The following PDE4D variants were observed in gnomAD, a reference collection of about 807,000 sequenced individuals.
PDE4D encodes the protein 3',5'-cyclic-AMP phosphodiesterase 4D.
A neutral mutation model predicts 87.4 loss-of-function variants in PDE4D; 24 were observed. The ratio of observed to expected loss-of-function variants is 0.27; its 90% CI spans 0.20 to 0.39. The LOEUF is 0.39. Ranked by LOEUF, PDE4D falls within the 10% of genes least tolerant of loss-of-function variation. PDE4D has a pLI of 1.00. For synonymous variants in PDE4D, 384 were observed against 383.2 expected, an observed-to-expected ratio of 1.00 and a Z score of -0.02; for missense variants, 714 against 1,041.0, an observed-to-expected ratio of 0.69 and a Z score of 4.32.
At chr5:59,299,835 C>T (rs574258136) in intron 1 of PDE4D, among the ~76,000 whole-genome samples, 4 of 152,244 alleles carry the variant, frequency 2.6e-5, no homozygotes, top group East Asian at 1.9e-4. Flanking sequence ...CTCGCCCAGG[C>T]GCAGTGGCTC....
chr5:60,367,240 G>A (rs576267769), intron 1 of PDE4D, among the ~76,000 whole-genome samples: 1 of 152,158 alleles, frequency 6.6e-6, no homozygotes, highest in East Asian at 1.9e-4. Context: ...CCTGGAGTCA[G>A]GAGTTCGAGA....
intron 1 of PDE4D, among the ~76,000 whole-genome samples, chr5:60,411,283 G>A (rs1228375763): frequency 6.6e-6 from 1 of 152,168 alleles, no homozygotes; most frequent in Admixed American, 6.5e-5. Flanking sequence ...GTTACAACTG[G>A]TAGCTATAAC....
chr5:59,401,464 C>CTATCTATT lies in PDE4D; in HGVS notation c.456-185497_456-185496insAATAGATA, dbSNP rs1425787412. Among the ~76,000 whole-genome samples the CTATCTATT allele has an allele frequency of 1.2e-3, 165 of 142,470 alleles. 1 individual carries two copies. The highest frequency in any genetic ancestry group is 4.0e-3 in the African/African-American group (149 of 37,484). The allele number at this position is 142,470 out of a possible 152,430, so 93.5% of individuals were successfully genotyped here. A position where few individuals can be genotyped will look rare whatever the true frequency, so the allele number is the denominator to read the frequency against. On this transcript the variant is annotated intron_variant, in intron 1 of 14. Transcript: ENST00000340635. ...AGAGACTATCTATCTATCTATCTAT[C>CTATCTATT]TATCTATCTATCTATCTATCTATTT...
chr5:60,037,364 G>C (rs1372815512), intron 2 of PDE4D, among the ~76,000 whole-genome samples: 1 of 152,024 alleles, frequency 6.6e-6, no homozygotes, highest in South Asian at 2.1e-4. Context: ...ATTGGTACTA[G>C]ATCTTTACAA....
chr5:59,944,684 C>T (rs1390837138), intron 3 of PDE4D, among the ~76,000 whole-genome samples: 1 of 152,188 alleles, frequency 6.6e-6, no homozygotes, highest in Non-Finnish European at 1.5e-5. Context: ...TCTGGGCATG[C>T]TTTTAAACAA....
At chr5:60,047,869 T>C (rs1769499530) in intron 2 of PDE4D, among the ~76,000 whole-genome samples, 1 of 152,140 alleles carries the variant, frequency 6.6e-6, no homozygotes, top group South Asian at 2.1e-4. Context: ...GTTCTGTAGA[T>C]GTCTATTAGG....
intron 6 of PDE4D, among the ~76,000 whole-genome samples, chr5:59,021,686 A>G (rs1755174087): frequency 6.6e-6 from 1 of 152,144 alleles, no homozygotes; most frequent in South Asian, 2.1e-4. Context: ...TATTTATCCA[A>G]GGTTGCAACT....
At chr5:59,690,332 C>T (rs1750693630) in intron 1 of PDE4D, among the ~76,000 whole-genome samples, 1 of 152,124 alleles carries the variant, frequency 6.6e-6, no homozygotes, top group African/African-American at 2.4e-5. Context: ...TACAAGGCTA[C>T]AGTAACCAAA....
chr5:60,296,358 A>C (rs1753382492), intron 1 of PDE4D, among the ~76,000 whole-genome samples: 1 of 152,126 alleles, frequency 6.6e-6, no homozygotes, highest in Non-Finnish European at 1.5e-5. Flanking sequence ...CCTAGTCTTC[A>C]TCTCCTTTAT....
intron 1 of PDE4D, among the ~76,000 whole-genome samples, chr5:59,586,163 TA>T (rs1374687060): frequency 6.6e-6 from 1 of 152,232 alleles, no homozygotes; most frequent in Non-Finnish European, 1.5e-5. Context: ...AAAGTATTTT[TA>T]TTGCATAACC....
At chr5:59,309,670 AG>A (rs1313172050) in intron 1 of PDE4D, among the ~76,000 whole-genome samples, 1 of 152,006 alleles carries the variant, frequency 6.6e-6, no homozygotes, top group Non-Finnish European at 1.5e-5. Flanking sequence ...GGTCCTCTCA[AG>A]GTTGCTGGTT....
At chr5:60,187,489 T>G (rs1009009541) in intron 1 of PDE4D, among the ~76,000 whole-genome samples, 6 of 152,210 alleles carry the variant, frequency 3.9e-5, no homozygotes, top group Non-Finnish European at 8.8e-5. Context: ...CAGGATTTAA[T>G]GAGTAGCCTT....
chr5:59,238,661 C>G (rs1471430), intron 1 of PDE4D, among the ~76,000 whole-genome samples: 48,235 of 151,932 alleles, frequency 0.32, 8,148 homozygotes, highest in Admixed American at 0.41. Flanking sequence ...GAAATGGTTC[C>G]TCTGAGTCAT....
At chr5:60,138,719 C>T (rs1449959986) in intron 2 of PDE4D, among the ~76,000 whole-genome samples, 1 of 151,970 alleles carries the variant, frequency 6.6e-6, no homozygotes, top group Non-Finnish European at 1.5e-5. Context: ...CTTCACTAAA[C>T]CATGCTATGT....
chr5:59,569,666 T>C (rs1041924395), intron 1 of PDE4D, among the ~76,000 whole-genome samples: 1 of 152,202 alleles, frequency 6.6e-6, no homozygotes, highest in African/African-American at 2.4e-5. Flanking sequence ...CATCCACTTG[T>C]TATATTTCAG....
intron 2 of PDE4D, among the ~76,000 whole-genome samples, chr5:60,082,874 A>G (rs969272295): frequency 6.6e-6 from 1 of 152,082 alleles, no homozygotes; most frequent in African/African-American, 2.4e-5. Context: ...TGCTCGCTCT[A>G]CTTAAATTTT....
chr5:59,328,973 C>T, intron 1 of PDE4D, among the ~76,000 whole-genome samples: 1 of 152,216 alleles, frequency 6.6e-6, no homozygotes, highest in East Asian at 1.9e-4. Context: ...ACCTCACTGC[C>T]CCTTTGTTGT....
intron 2 of PDE4D, among the ~76,000 whole-genome samples, chr5:60,106,573 C>G (rs1290129349): frequency 5.9e-5 from 9 of 151,458 alleles, no homozygotes; most frequent in Non-Finnish European, 1.0e-4. Flanking sequence ...CAGCACCACA[C>G]CACACCTATT....
At chr5:59,493,394 A>T (rs1006673260) in intron 1 of PDE4D, among the ~76,000 whole-genome samples, 11 of 152,212 alleles carry the variant, frequency 7.2e-5, no homozygotes, top group African/African-American at 2.7e-4. Context: ...ATGTCATTTT[A>T]AAAAAGCATG....
Sources: allele counts gnomAD v4.1 joint callset (sites outside exome capture counted in the v4.1 genomes callset), GRCh38; gene constraint gnomAD v4.1.1; transcripts MANE v1.5; gene names NCBI Gene and HGNC (gene_info 2026-07-23, HGNC 2026-07-21).